Variants in LGR5 observed in about 807,000 individuals in gnomAD.
LGR5 encodes the protein leucine-rich repeat-containing G protein-coupled receptor 5.
In LGR5, 54 loss-of-function variants were observed where a neutral mutation model predicts 76.7. The observed-to-expected ratio is 0.70, with a 90% CI of 0.57 to 0.88. The LOEUF (loss-of-function observed/expected upper bound fraction) is 0.88, where lower values mean the gene tolerates loss of function less well. LGR5 is among the 40% of genes least tolerant of loss of function. The probability of loss-of-function intolerance (pLI) is 0.00; values close to 1 mark genes in which losing one functional copy is unlikely to be tolerated. For synonymous variants in LGR5, 406 were observed against 421.9 expected (o/e 0.96, Z 0.46); for missense variants, 1,078 against 1,073.3 (o/e 1.00, Z -0.06).
intron 16 of LGR5, among the ~76,000 whole-genome samples, chr12:71,581,756 T>G (rs1879101075): frequency 6.6e-6 from 1 of 152,210 alleles, no homozygotes; most frequent in South Asian, 2.1e-4. Context: ...TTCTAGGCCT[T>G]GAAAGTACAC....
At chr12:71,543,335 C>G (rs1876980115) in intron 4 of LGR5, among the ~76,000 whole-genome samples, 1 of 152,124 alleles carries the variant, frequency 6.6e-6, no homozygotes. Context: ...GATCTATCTG[C>G]CAGAATTAGT....
At chr12:71,527,313 C>A (rs551387871) in intron 3 of LGR5, among the ~76,000 whole-genome samples, 20 of 152,118 alleles carry the variant, frequency 1.3e-4, no homozygotes, top group Admixed American at 7.9e-4. Flanking sequence ...TAACGGAATA[C>A]CGCAAACTGG....
intron 1 of LGR5, among the ~76,000 whole-genome samples, chr12:71,479,820 A>AG (rs36057779): frequency 0.089 from 13,610 of 152,080 alleles, 648 homozygotes; most frequent in Non-Finnish European, 0.11. Flanking sequence ...CAACCAAGGT[A>AG]ATGGAGGGAT....
rs146287976 is a variant in LGR5, at chr12:71,553,121, T to G, written c.477T>G (p.Ser159Arg). 1.2e-6 allele frequency: 2 copies of G among 1,614,068 alleles called. No individual in the cohort carries two copies. Among genetic ancestry groups the G allele is most frequent in the African/African-American group, 2.7e-5 (2 of 75,020 alleles). The change falls in exon 5 of 18, where the codon AGT becomes AGG. Residue 159 changes from serine (S) to arginine (R), a missense_variant. Ser to Arg is a moderately radical substitution (Grantham distance 110). Transcript: ENST00000266674. ...HISYVPPSCF[S>R]GLHSLRHLWL... ...GCTATGTGCCCCCAAGCTGTTTCAG[T>G]GGCCTGCATTCCCTGAGGCACCTGT...
At chr12:71,439,514 G>T (rs1871638467), upstream of LGR5, among the ~76,000 whole-genome samples, 1 of 152,042 alleles carries the variant, frequency 6.6e-6, no homozygotes, top group African/African-American at 2.4e-5. Context: ...TCTCCAGCAC[G>T]CATGAAGGGG....
intron 1 of LGR5, among the ~76,000 whole-genome samples, chr12:71,447,851 C>T (rs886875104): frequency 2.6e-5 from 4 of 152,318 alleles, no homozygotes; most frequent in South Asian, 2.1e-4. Flanking sequence ...AGAAGACAAT[C>T]GTCCTGGCAA....
chr12:71,508,306 T>C (rs147942257), intron 2 of LGR5, among the ~76,000 whole-genome samples: 30 of 152,310 alleles, frequency 2.0e-4, no homozygotes, highest in African/African-American at 5.8e-4. Flanking sequence ...GATATATCAT[T>C]TCTCTCATTT....
intron 1 of LGR5, among the ~76,000 whole-genome samples, chr12:71,464,159 C>G (rs1431817160): frequency 6.6e-6 from 1 of 152,150 alleles, no homozygotes; most frequent in African/African-American, 2.4e-5. Context: ...TTATTATCAG[C>G]TTAATGTTTA....
chr12:71,577,086 G>C (rs1878889196), intron 13 of LGR5, among the ~76,000 whole-genome samples: 1 of 152,088 alleles, frequency 6.6e-6, no homozygotes, highest in South Asian at 2.1e-4. Flanking sequence ...GGTAACCCTG[G>C]AGCCCAATAT....
In LGR5 at chr12:71,566,963, G is replaced by A. The variant is rs746986184; in HGVS notation, c.1070+51G>A. 25 of 1,277,072 alleles carry A rather than the reference G, an allele frequency of 2.0e-5. No homozygotes were observed. In the South Asian group the frequency reaches 3.0e-4, roughly 15 times the overall value. 79.1% of individuals were successfully genotyped at this position (1,277,072 alleles called of 1,614,324 possible). A position where few individuals can be genotyped will look rare whatever the true frequency, so the allele number is the denominator to read the frequency against. Reference sequence around the variant, plus strand: ...TGTGTAAACAGGCAACTTCCATTTAGGGGTGAAATGGCAGACATGATTTCA... The same window carrying A: ...TGTGTAAACAGGCAACTTCCATTTAAGGGTGAAATGGCAGACATGATTTCA... On this transcript the variant is annotated intron_variant, in intron 11 of 17. Coordinates refer to ENST00000266674, the MANE Select transcript of LGR5 (RefSeq NM_003667.4).
chr12:71,453,146 G>A (rs923080215), intron 1 of LGR5, among the ~76,000 whole-genome samples: 1 of 152,188 alleles, frequency 6.6e-6, no homozygotes, highest in African/African-American at 2.4e-5. Flanking sequence ...AAGAACTAGA[G>A]GAGAAAGAAG....
rs1396556058 is a variant in LGR5 at position 71,537,092 on chromosome 12, G to A, written c.428+1906G>A. On this transcript the variant is annotated intron_variant, in intron 4 of 17. Coordinates refer to ENST00000266674, the MANE Select transcript of LGR5 (RefSeq NM_003667.4). ...TTGTCCAGAGCACAGACAGACCAGT[G>A]TGAGTGTTGAATGTTGACAATGTGT... is the stretch of plus-strand genomic sequence containing the variant. 3.3e-5 allele frequency among the ~76,000 whole-genome samples: 5 copies of A among 151,692 alleles called. No homozygotes were observed. The East Asian group carries it at 5.8e-4, about 18-fold the overall frequency.
chr12:71,468,519 G>A (rs553349663), intron 1 of LGR5, among the ~76,000 whole-genome samples: 1 of 152,206 alleles, frequency 6.6e-6, no homozygotes, highest in African/African-American at 2.4e-5. Context: ...GTCTTCAGTG[G>A]TCCTACCTAA....
At chr12:71,453,167 A>C (rs1183945797) in intron 1 of LGR5, among the ~76,000 whole-genome samples, 2 of 152,236 alleles carry the variant, frequency 1.3e-5, no homozygotes, top group Non-Finnish European at 2.9e-5. Context: ...GGGCATCTTC[A>C]AATGAATTTG....
intron 3 of LGR5, among the ~76,000 whole-genome samples, chr12:71,529,186 C>G (rs972940824): frequency 6.6e-6 from 1 of 152,090 alleles, no homozygotes; most frequent in African/African-American, 2.4e-5. Context: ...TATTACATAT[C>G]GTATTAGTCC....
At chr12:71,515,611 C>T (rs973805314) in intron 2 of LGR5, among the ~76,000 whole-genome samples, 2 of 152,034 alleles carry the variant, frequency 1.3e-5, no homozygotes, top group African/African-American at 4.8e-5. Flanking sequence ...AAATATCATC[C>T]AGATTTTTAG....
intron 13 of LGR5, among the ~76,000 whole-genome samples, chr12:71,573,913 T>TAAAAAA (rs3070200): frequency 6.8e-6 from 1 of 147,484 alleles, no homozygotes; most frequent in Non-Finnish European, 1.5e-5. Context: ...TGCTTTTACT[T>TAAAAAA]AAAAAAAAAA....
At chr12:71,577,378 T>C (rs1878902700) in intron 13 of LGR5, among the ~76,000 whole-genome samples, 1 of 152,228 alleles carries the variant, frequency 6.6e-6, no homozygotes, top group Admixed American at 6.5e-5. Context: ...AAGAATTTTA[T>C]TTCTAACATA....
intron 3 of LGR5, among the ~76,000 whole-genome samples, chr12:71,525,475 T>C (rs1592513354): frequency 6.6e-6 from 1 of 151,742 alleles, no homozygotes; most frequent in East Asian, 1.9e-4. Context: ...TAGTAATTCC[T>C]TATGTGGTAA....
Sources: allele counts gnomAD v4.1 joint callset (sites outside exome capture counted in the v4.1 genomes callset), GRCh38; gene constraint gnomAD v4.1.1; transcripts MANE v1.5; gene names NCBI Gene and HGNC (gene_info 2026-07-23, HGNC 2026-07-21).